SCML2: variants seen among roughly 807,000 people sequenced by gnomAD.
SCML2 encodes Scm polycomb group protein like 2.
SCML2 carries 6 observed loss-of-function variants against 48.4 expected under a neutral mutation model. The ratio of observed to expected loss-of-function variants is 0.12; its 90% CI spans 0.07 to 0.24. The LOEUF (loss-of-function observed/expected upper bound fraction) is 0.24. Among genes scored for constraint, SCML2 ranks in the 10% least tolerant of loss-of-function variants. SCML2 has a pLI of 1.00. For missense variants in SCML2, 377 were observed against 528.2 expected (o/e 0.71, Z 2.81); for synonymous variants, 181 against 189.5 (o/e 0.95, Z 0.37).
At chrX:18,253,254 G>C (rs960756311) in intron 11 of SCML2, among the ~76,000 whole-genome samples, 4 of 111,536 alleles carry the variant, frequency 3.6e-5, no homozygotes, top group Middle Eastern at 4.6e-3. Flanking sequence ...TCCCAACCCA[G>C]CTCAATCACT....
chrX:18,242,459 C>T lies in SCML2; in HGVS notation c.1954G>A (p.Ala652Thr), dbSNP rs1196327432. The T allele has an allele frequency of 3.3e-6, 4 of 1,196,829 alleles. No homozygotes were observed. Among genetic ancestry groups the T allele is most frequent in the East Asian group, 3.0e-5 (1 of 33,265 alleles). The change falls in exon 14 of 15, where the codon GCC becomes ACC. Residue 652 changes from alanine (A) to threonine (T), a missense_variant. This residue lies in a region of SCML2 where 299 missense variants were observed against 425.5 expected (regional missense o/e 0.70). Coordinates refer to ENST00000251900, the MANE Select transcript of SCML2 (RefSeq NM_006089.3). Reference protein sequence around the residue: ...HTDPQISGPLADLFRQHEIDG... With the variant: ...HTDPQISGPLTDLFRQHEIDG... ...ATTACATGTTGCCTGAAGAGGTCGG[C>T]GAGGGGGCCTGATATCTGAGGATCT...
intron 7 of SCML2, among the ~76,000 whole-genome samples, chrX:18,274,501 A>T (rs956221770): frequency 2.7e-5 from 3 of 112,211 alleles, no homozygotes; most frequent in African/African-American, 9.7e-5. Context: ...ACTCTAGCCC[A>T]TAAGCATGAT....
At chrX:18,328,500 G>A (rs1013971532) in intron 3 of SCML2, among the ~76,000 whole-genome samples, 1 of 110,826 alleles carries the variant, frequency 9.0e-6, no homozygotes, top group Non-Finnish European at 1.9e-5. Context: ...GAGAGACCCC[G>A]TCTCTACAAA....
At chrX:18,269,978 T>C (rs940951363) in intron 7 of SCML2, among the ~76,000 whole-genome samples, 2 of 110,014 alleles carry the variant, frequency 1.8e-5, no homozygotes, top group Non-Finnish European at 3.8e-5. Context: ...AATTTTTTGA[T>C]GTATGGCATA....
chrX:18,352,793 T>G (rs1404949390), intron 1 of SCML2, among the ~76,000 whole-genome samples: 4 of 112,037 alleles, frequency 3.6e-5, no homozygotes, highest in African/African-American at 1.3e-4. Flanking sequence ...TTGAACGTTA[T>G]GACACTATCA....
At position 18,304,864 on chromosome X, in the gene SCML2, T is replaced by C. The variant is rs774331982; in HGVS notation, c.730+108A>G. On this transcript the variant is annotated intron_variant, in intron 7 of 14. Coordinates refer to ENST00000251900, the MANE Select transcript of SCML2 (RefSeq NM_006089.3). The stretch of plus-strand genomic sequence containing the variant: ...AGCGCTTTGTTCTGTCTGCCACCAG[T>C]TGGGGCATGTACCACCTGGTACCAC... 4.0e-5 allele frequency: 36 copies of C among 889,228 alleles called. 1 individual carries two copies. The highest frequency in any genetic ancestry group is 3.0e-4 in the African/African-American group (15 of 49,685). 73.3% of individuals were successfully genotyped at this position (889,228 alleles called of 1,213,427 possible). A position where few individuals can be genotyped will look rare whatever the true frequency, so the allele number is the denominator to read the frequency against.
intron 7 of SCML2, among the ~76,000 whole-genome samples, chrX:18,297,610 A>G (rs1366048738): frequency 8.9e-6 from 1 of 112,059 alleles, no homozygotes; most frequent in African/African-American, 3.2e-5. Context: ...CAAAATCAAC[A>G]CACAAAAATC....
At chrX:18,344,178 AT>A (rs1461909109) in intron 1 of SCML2, among the ~76,000 whole-genome samples, 1 of 110,291 alleles carries the variant, frequency 9.1e-6, no homozygotes, top group Non-Finnish European at 1.9e-5. Context: ...TAAAAAAAAA[AT>A]AATAAAATAA....
intron 7 of SCML2, among the ~76,000 whole-genome samples, chrX:18,266,789 T>G (rs1239159079): frequency 8.9e-6 from 1 of 111,903 alleles, no homozygotes; most frequent in Non-Finnish European, 1.9e-5. Flanking sequence ...ACCACATCTT[T>G]CCTACGGCCT....
chrX:18,286,075 TA>T (rs1928042377), intron 7 of SCML2, among the ~76,000 whole-genome samples: 1 of 111,878 alleles, frequency 8.9e-6, no homozygotes, highest in Non-Finnish European at 1.9e-5. Context: ...TATACCAAAA[TA>T]TTAGCAGTGA....
chrX:18,310,691 T>C (rs767427910), intron 6 of SCML2, among the ~76,000 whole-genome samples: 1 of 111,355 alleles, frequency 9.0e-6, no homozygotes, highest in African/African-American at 3.3e-5. Context: ...GCTCAAGCAG[T>C]CCTCCTGCCT....
chrX:18,295,166 T>C, intron 7 of SCML2, among the ~76,000 whole-genome samples: 1 of 111,550 alleles, frequency 9.0e-6, no homozygotes, highest in Non-Finnish European at 1.9e-5. Flanking sequence ...GCATACACAC[T>C]TGCTCTGCCT....
intron 1 of SCML2, among the ~76,000 whole-genome samples, chrX:18,336,272 C>G (rs1929809138): frequency 1.8e-5 from 2 of 109,003 alleles, no homozygotes; most frequent in African/African-American, 6.7e-5. Flanking sequence ...AACCCCGTCT[C>G]TACTAAAAAT....
chrX:18,283,634 C>T (rs1323298705), intron 7 of SCML2, among the ~76,000 whole-genome samples: 1 of 112,315 alleles, frequency 8.9e-6, no homozygotes, highest in African/African-American at 3.2e-5. Context: ...AACATTTCTA[C>T]ATACCAATAA....
intron 6 of SCML2, among the ~76,000 whole-genome samples, chrX:18,310,260 CTTTTTT>C (rs773391164): frequency 1.6e-5 from 1 of 62,368 alleles, no homozygotes; most frequent in Non-Finnish European, 2.8e-5. Flanking sequence ...AACCACCTCC[CTTTTTT>C]TTTTTTTTTT....
At chrX:18,296,872 G>A (rs1474639327) in intron 7 of SCML2, among the ~76,000 whole-genome samples, 2 of 110,987 alleles carry the variant, frequency 1.8e-5, no homozygotes, top group African/African-American at 3.3e-5. Flanking sequence ...AAATTGAAGA[G>A]GTGAGAATTC....
chrX:18,318,957 T>C (rs1387724743), intron 6 of SCML2, among the ~76,000 whole-genome samples: 1 of 111,965 alleles, frequency 8.9e-6, no homozygotes, highest in Non-Finnish European at 1.9e-5. Flanking sequence ...GTAATTAAGT[T>C]AAAATAAGGT....
intron 6 of SCML2, among the ~76,000 whole-genome samples, chrX:18,308,027 G>C (rs758449617): frequency 2.8e-5 from 3 of 107,604 alleles, no homozygotes; most frequent in Non-Finnish European, 5.8e-5. Flanking sequence ...CCAGGAGGCG[G>C]AGGTTGCGGT....
intron 6 of SCML2, 133 bp downstream of exon 6, chrX:18,320,199 A>C (rs1396985834): frequency 5.2e-6 from 2 of 387,198 alleles, no homozygotes; most frequent in African/African-American, 5.1e-5. Context: ...TGGCAACCCT[A>C]GCAAACTAAT....
Sources: allele counts gnomAD v4.1 joint callset (sites outside exome capture counted in the v4.1 genomes callset), GRCh38; gene constraint gnomAD v4.1.1; regional missense constraint gnomAD v4.1.1; transcripts MANE v1.5; gene names NCBI Gene and HGNC (gene_info 2026-07-23, HGNC 2026-07-21).